The following ADAMTS2 variants were observed in gnomAD, a reference collection of about 807,000 sequenced individuals.
The protein encoded by ADAMTS2 is A disintegrin and metalloproteinase with thrombospondin motifs 2.
ADAMTS2 carries 50 observed loss-of-function variants against 123.0 expected under a neutral mutation model. The observed-to-expected ratio is 0.41, with a 90% CI of 0.32 to 0.51. The LOEUF (loss-of-function observed/expected upper bound fraction) is 0.51, where lower values mean the gene tolerates loss of function less well. Among genes scored for constraint, ADAMTS2 ranks in the 20% least tolerant of loss-of-function variants. The probability of loss-of-function intolerance (pLI) is 0.35; values close to 1 mark genes in which losing one functional copy is unlikely to be tolerated. For missense variants in ADAMTS2, 1,494 were observed against 1,705.2 expected, an observed-to-expected ratio of 0.88 and a Z score of 2.18; for synonymous variants, 678 against 695.4, an observed-to-expected ratio of 0.98 and a Z score of 0.39.
At chr5:179,199,971 G>C (rs567405622) in intron 4 of ADAMTS2, among the ~76,000 whole-genome samples, 9 of 152,312 alleles carry the variant, frequency 5.9e-5, no homozygotes, top group Admixed American at 3.3e-4. Flanking sequence ...AGCGAGTTGA[G>C]AGACAGAGAG....
At chr5:179,237,195 CAAG>C (rs1370536124) in intron 3 of ADAMTS2, among the ~76,000 whole-genome samples, 9 of 152,152 alleles carry the variant, frequency 5.9e-5, no homozygotes, top group Admixed American at 4.6e-4. Context: ...CCCAGGAGTT[CAAG>C]GACACAGTGA....
At chr5:179,196,648 C>T (rs1170433034) in intron 4 of ADAMTS2, among the ~76,000 whole-genome samples, 1 of 152,200 alleles carries the variant, frequency 6.6e-6, no homozygotes, top group African/African-American at 2.4e-5. Context: ...ATACGTACAC[C>T]CACGTGCACT....
At chr5:179,124,503 G>A (rs982792275) in intron 19 of ADAMTS2, among the ~76,000 whole-genome samples, 9 of 152,174 alleles carry the variant, frequency 5.9e-5, no homozygotes, top group East Asian at 1.9e-4. Context: ...CTCGGAGCCC[G>A]GGCTACCCTC....
rs960569193 is a variant in ADAMTS2 at position 179,189,745 on chromosome 5, G to C, written c.892-8590C>G. Among the ~76,000 whole-genome samples the C allele has an allele frequency of 2.0e-5, 3 of 149,638 alleles. No individual in the cohort carries two copies. Among genetic ancestry groups the C allele is most frequent in the South Asian group, 4.3e-4 (2 of 4,692 alleles). On this transcript the variant is annotated intron_variant, in intron 4 of 21. Coordinates refer to ENST00000251582, the MANE Select transcript of ADAMTS2 (RefSeq NM_014244.5). The surrounding 1 kb of genome is among the most constrained non-coding windows in gnomAD (Gnocchi z 4.2). ...ATTACAAAATATCTTCTTAAGGTAG[G>C]GGGGGACAATATTACAAAGTATCTT...
intron 4 of ADAMTS2, among the ~76,000 whole-genome samples, chr5:179,186,964 TC>T (rs1764187145): frequency 6.6e-6 from 1 of 151,678 alleles, no homozygotes; most frequent in African/African-American, 2.4e-5. Context: ...GCCCAGCCCC[TC>T]GCCTGGCATT....
intron 2 of ADAMTS2, among the ~76,000 whole-genome samples, chr5:179,297,782 A>G (rs977136894): frequency 3.9e-5 from 6 of 151,904 alleles, no homozygotes; most frequent in African/African-American, 1.2e-4. Flanking sequence ...GGCTCTCCAC[A>G]AGTCCCTTCT....
chr5:179,341,861 G>A (rs1757784701), intron 2 of ADAMTS2, among the ~76,000 whole-genome samples: 1 of 152,176 alleles, frequency 6.6e-6, no homozygotes, highest in South Asian at 2.1e-4. Context: ...CTGGTACATG[G>A]GACACTTCAG....
intron 3 of ADAMTS2, among the ~76,000 whole-genome samples, chr5:179,218,181 G>A (rs567584544): frequency 5.3e-5 from 8 of 152,266 alleles, no homozygotes; most frequent in African/African-American, 1.7e-4. Flanking sequence ...AGCACTGCCA[G>A]GGCCTGCAGG....
At position 179,158,218 on chromosome 5, in the gene ADAMTS2, G is replaced by A. The variant is rs781088795; in HGVS notation, c.1132+505C>T. Among the ~76,000 whole-genome samples, 7 of 152,098 alleles carry A rather than the reference G, an allele frequency of 4.6e-5. No homozygotes were observed. The highest frequency in any genetic ancestry group is 8.8e-5 in the Non-Finnish European group (6 of 68,032). ...CTGACCTCGTGATCTACCTGCCTCC[G>A]ACTCCCAAAGTGCTGGGATTACAGG... On this transcript the variant is annotated intron_variant, in intron 6 of 21. Coordinates refer to ENST00000251582, the MANE Select transcript of ADAMTS2 (RefSeq NM_014244.5). The surrounding 1 kb of genome is among the most constrained non-coding windows in gnomAD (Gnocchi z 5.0).
rs1030340543 is a variant in ADAMTS2 at position 179,303,502 on chromosome 5, A to G, written c.535-30438T>C. On this transcript the variant is annotated intron_variant, in intron 2 of 21. Coordinates refer to ENST00000251582, the MANE Select transcript of ADAMTS2 (RefSeq NM_014244.5). This position sits in a 1 kb window ranked among gnomAD's most constrained non-coding sequence, Gnocchi z 4.7. Reference sequence around the variant, plus strand: ...TTCATTCTCTGGTATTCCTCAGCCTAGATACAAGGCAGGTCAAACTCCAGA... The same window carrying G: ...TTCATTCTCTGGTATTCCTCAGCCTGGATACAAGGCAGGTCAAACTCCAGA... Among the ~76,000 whole-genome samples the G allele has an allele frequency of 6.6e-6, 1 of 152,236 alleles. No individual in the cohort carries two copies. The highest frequency in any genetic ancestry group is 1.5e-5 in the Non-Finnish European group (1 of 68,046).
chr5:179,328,222 C>T (rs932929417), intron 2 of ADAMTS2, among the ~76,000 whole-genome samples: 5 of 152,192 alleles, frequency 3.3e-5, no homozygotes, highest in South Asian at 2.1e-4. Context: ...TTAGTAGAGA[C>T]GGGGTTTCAC....
At chr5:179,194,166 C>CGGAGGAG (rs1554129310) in intron 4 of ADAMTS2, among the ~76,000 whole-genome samples, 89 of 152,126 alleles carry the variant, frequency 5.9e-4, no homozygotes, top group African/African-American at 2.1e-3. Flanking sequence ...AGGAGGTCTG[C>CGGAGGAG]GGAGGAGGGA....
chr5:179,323,864 T>A (rs72820654), intron 2 of ADAMTS2, among the ~76,000 whole-genome samples: 3,002 of 152,364 alleles, frequency 0.02, 63 homozygotes, highest in Non-Finnish European at 0.031. Context: ...GCAGCATTAT[T>A]CACAAGAGCT....
chr5:179,259,140 C>T (rs1186667000), intron 3 of ADAMTS2, among the ~76,000 whole-genome samples: 1 of 152,156 alleles, frequency 6.6e-6, no homozygotes, highest in Admixed American at 6.5e-5. Context: ...CCTCCAGTCC[C>T]CTCAGGCCCT....
intron 12 of ADAMTS2, among the ~76,000 whole-genome samples, chr5:179,137,554 G>C (rs1195801658): frequency 2.6e-5 from 4 of 152,248 alleles, no homozygotes; most frequent in Non-Finnish European, 4.4e-5. Flanking sequence ...GCTACTCTGG[G>C]GTGTTCTGGT....
chr5:179,134,614 C>A (rs1234729336), intron 13 of ADAMTS2, among the ~76,000 whole-genome samples: 1 of 152,234 alleles, frequency 6.6e-6, no homozygotes, highest in African/African-American at 2.4e-5. Flanking sequence ...ACCACCTGTT[C>A]TTGTTTTGGC....
chr5:179,246,207 T>G (rs1025552216), intron 3 of ADAMTS2, among the ~76,000 whole-genome samples: 2 of 152,180 alleles, frequency 1.3e-5, no homozygotes, highest in African/African-American at 4.8e-5. Flanking sequence ...AACCTACACA[T>G]CCAAGGAGCT....
intron 2 of ADAMTS2, among the ~76,000 whole-genome samples, chr5:179,305,361 T>C (rs531931585): frequency 1.3e-5 from 2 of 152,292 alleles, no homozygotes; most frequent in Admixed American, 6.5e-5. Flanking sequence ...TTTCCATGTA[T>C]GTAGGTGTAT....
chr5:179,141,728 A>G (rs1366359766), intron 10 of ADAMTS2, among the ~76,000 whole-genome samples: 2 of 152,208 alleles, frequency 1.3e-5, no homozygotes, highest in Non-Finnish European at 2.9e-5. Context: ...CTGAGGCTAC[A>G]GTTTCATACT....
Sources: allele counts gnomAD v4.1 joint callset (sites outside exome capture counted in the v4.1 genomes callset), GRCh38; gene constraint gnomAD v4.1.1; non-coding constraint Gnocchi (gnomAD v3.1); transcripts MANE v1.5; gene names NCBI Gene and HGNC (gene_info 2026-07-23, HGNC 2026-07-21).